Variants in MAP2K2 observed in about 807,000 individuals in gnomAD.
The protein encoded by MAP2K2 is mitogen-activated protein kinase kinase 2, also known as dual specificity mitogen-activated protein kinase kinase 2.
MAP2K2 carries 24 observed loss-of-function variants against 43.7 expected under a neutral mutation model. That is an observed-to-expected ratio of 0.55 (90% CI 0.40 to 0.77). The LOEUF (loss-of-function observed/expected upper bound fraction) is 0.77. Ranked by LOEUF, MAP2K2 falls within the 30% of genes least tolerant of loss-of-function variation. MAP2K2 has a pLI of 0.00. For synonymous variants in MAP2K2, 244 were observed against 239.7 expected (o/e 1.02, Z -0.17); for missense variants, 470 against 566.8 (o/e 0.83, Z 1.73).
chr19:4,094,536 G>A (rs1411700628), intron 9 of MAP2K2, 38 bp from the exon 10 acceptor site: 3 of 1,555,450 alleles, frequency 1.9e-6, no homozygotes, highest in East Asian at 2.4e-5. Context: ...AGGCGGTGGA[G>A]GAGACAAGAC....
chr19:4,110,755 G>T, intron 2 of MAP2K2, 100 bp from the exon 3 acceptor site: 1 of 1,307,124 alleles, frequency 7.7e-7, no homozygotes, highest in Non-Finnish European at 1.1e-6. Context: ...CAGTGGTCAA[G>T]ACCAACTCAG....
chr19:4,119,345 C>T (rs530888578), intron 1 of MAP2K2, among the ~76,000 whole-genome samples: 19 of 152,212 alleles, frequency 1.2e-4, no homozygotes, highest in Admixed American at 3.3e-4. Context: ...CCTCAGCCTC[C>T]GAAGTAGCTG....
At chr19:4,102,523 A>C (rs1599291798) in intron 3 of MAP2K2, 70 bp from the exon 4 acceptor site, 1 of 1,196,622 alleles carries the variant, frequency 8.4e-7, no homozygotes, top group Non-Finnish European at 1.2e-6. Flanking sequence ...GCGTCCCCCC[A>C]CTCCCGGCGA....
chr19:4,110,725 T>A (rs2145070738), intron 2 of MAP2K2, 70 bp from the exon 3 acceptor site: 4 of 1,547,306 alleles, frequency 2.6e-6, no homozygotes, highest in Non-Finnish European at 3.5e-6. Flanking sequence ...TTGGGGCCTC[T>A]GCTCTGCAGG....
intron 9 of MAP2K2, chr19:4,095,078 G>A: frequency 2.6e-6 from 1 of 389,986 alleles, no homozygotes; most frequent in Non-Finnish European, 4.8e-6. Flanking sequence ...CCCACAGTCA[G>A]CACACCAGGG....
intron 1 of MAP2K2, among the ~76,000 whole-genome samples, chr19:4,118,867 C>T (rs1303347860): frequency 6.6e-6 from 1 of 152,200 alleles, no homozygotes; most frequent in African/African-American, 2.4e-5. Context: ...GAGGAAATTT[C>T]GACAGTAAGC....
chr19:4,118,901 A>G (rs12459484), intron 1 of MAP2K2, among the ~76,000 whole-genome samples: 55,561 of 152,230 alleles, frequency 0.36, 10,609 homozygotes, highest in African/African-American at 0.45. Flanking sequence ...GCCTTGACTC[A>G]GAACCAGATC....
intron 2 of MAP2K2, among the ~76,000 whole-genome samples, chr19:4,116,374 A>C (rs1308019200): frequency 1.3e-5 from 2 of 151,908 alleles, no homozygotes; most frequent in East Asian, 3.9e-4. Flanking sequence ...TACTAAAAAA[A>C]CAAAAATTAA....
chr19:4,097,555 T>C (rs1269341842), intron 7 of MAP2K2, among the ~76,000 whole-genome samples: 1 of 151,848 alleles, frequency 6.6e-6, no homozygotes, highest in Non-Finnish European at 1.5e-5. Context: ...GAGCCTCTAG[T>C]GAATTAAAAA....
chr19:4,097,905 G>A (rs984947807), intron 7 of MAP2K2, among the ~76,000 whole-genome samples: 1 of 152,168 alleles, frequency 6.6e-6, no homozygotes, highest in Non-Finnish European at 1.5e-5. Flanking sequence ...TATACCACCT[G>A]AGAGTTGGGA....
At chr19:4,099,134 C>T in intron 7 of MAP2K2, 67 bp downstream of exon 7, 1 of 1,405,866 alleles carries the variant, frequency 7.1e-7, no homozygotes, top group South Asian at 1.2e-5. Flanking sequence ...AGCTGCTGAC[C>T]CTGGCACAGC....
At chr19:4,110,788 CT>C (rs1324973882) in intron 2 of MAP2K2, 133 bp from the exon 3 acceptor site, 16 of 922,812 alleles carry the variant, frequency 1.7e-5, no homozygotes, top group South Asian at 8.0e-5. Context: ...AATTCCACCC[CT>C]AGGTGTCTGC....
intron 1 of MAP2K2, among the ~76,000 whole-genome samples, chr19:4,123,309 C>A (rs938944501): frequency 6.6e-6 from 1 of 151,676 alleles, no homozygotes; most frequent in Admixed American, 6.6e-5. Flanking sequence ...AGCCCCACAC[C>A]CCATCTTCTG....
intron 2 of MAP2K2, among the ~76,000 whole-genome samples, chr19:4,114,581 C>T (rs1188076929): frequency 3.3e-5 from 5 of 152,362 alleles, no homozygotes; most frequent in South Asian, 2.1e-4. Flanking sequence ...AACGCGGGGA[C>T]GCTGCTCCAA....
chr19:4,107,292 A>C (rs2041095345), intron 3 of MAP2K2, among the ~76,000 whole-genome samples: 1 of 152,092 alleles, frequency 6.6e-6, no homozygotes, highest in Non-Finnish European at 1.5e-5. Flanking sequence ...TGGGAGGCAG[A>C]GGCAGGCGGA....
intron 2 of MAP2K2, among the ~76,000 whole-genome samples, chr19:4,113,227 C>G (rs189969965): frequency 6.6e-6 from 1 of 152,116 alleles, no homozygotes; most frequent in African/African-American, 2.4e-5. Flanking sequence ...GAAATGAGGC[C>G]GTCGGAAGCG....
chr19:4,095,367 G>A (rs1047318082), intron 9 of MAP2K2, 21 bp downstream of exon 9: 84 of 1,549,872 alleles, frequency 5.4e-5, no homozygotes, highest in Admixed American at 1.2e-4. Flanking sequence ...CCAGGGGTGT[G>A]GGCAGCCCGG....
chr19:4,106,691 C>T (rs2041089097), intron 3 of MAP2K2, among the ~76,000 whole-genome samples: 1 of 152,174 alleles, frequency 6.6e-6, no homozygotes, highest in Non-Finnish European at 1.5e-5. Flanking sequence ...CAAACGTGAG[C>T]CACTGCACCC....
intron 9 of MAP2K2, chr19:4,094,908 G>A: frequency 2.6e-6 from 1 of 384,236 alleles, no homozygotes; most frequent in Non-Finnish European, 4.9e-6. Flanking sequence ...TCACACACAT[G>A]GACCGGCCCT....
Sources: gnomAD v4.1 joint callset for allele counts (sites outside exome capture counted in the v4.1 genomes callset) on GRCh38, gnomAD v4.1.1 for gene constraint, MANE v1.5 for transcripts, NCBI Gene and HGNC (gene_info 2026-07-23, HGNC 2026-07-21) for gene names.